The following CNTNAP2 variants were observed in gnomAD, a reference collection of about 807,000 sequenced individuals.
CNTNAP2 encodes the protein contactin-associated protein-like 2.
CNTNAP2 carries 98 observed loss-of-function variants against 155.2 expected under a neutral mutation model. That is an observed-to-expected ratio of 0.63 (90% CI 0.54 to 0.75). The LOEUF (loss-of-function observed/expected upper bound fraction) is 0.75, where lower values mean the gene tolerates loss of function less well. Ranked by LOEUF, CNTNAP2 falls within the 30% of genes least tolerant of loss-of-function variation. CNTNAP2 has a pLI of 0.00. For synonymous variants in CNTNAP2, 651 were observed against 631.2 expected, an observed-to-expected ratio of 1.03 and a Z score of -0.47; for missense variants, 1,727 against 1,688.1, an observed-to-expected ratio of 1.02 and a Z score of -0.40.
intron 14 of CNTNAP2, among the ~76,000 whole-genome samples, chr7:147,916,661 A>G (rs1163230447): frequency 1.4e-5 from 2 of 147,992 alleles, no homozygotes; most frequent in Non-Finnish European, 3.0e-5. Context: ...AAAGAGGGAG[A>G]GCTGTTATGT....
chr7:147,331,896 T>C (rs6977702), intron 9 of CNTNAP2, among the ~76,000 whole-genome samples: 59,065 of 151,976 alleles, frequency 0.39, 11,801 homozygotes, highest in South Asian at 0.49. Context: ...CACCAGCTGC[T>C]TCAGTATCTC....
At chr7:147,072,923 G>C (rs1250881058) in intron 4 of CNTNAP2, among the ~76,000 whole-genome samples, 1 of 139,004 alleles carries the variant, frequency 7.2e-6, no homozygotes, top group Non-Finnish European at 1.5e-5. Flanking sequence ...TGTGATCTCG[G>C]CTCACTGCAA....
chr7:146,178,777 G>T (rs1299287172), intron 1 of CNTNAP2, among the ~76,000 whole-genome samples: 1 of 152,092 alleles, frequency 6.6e-6, no homozygotes, highest in Non-Finnish European at 1.5e-5. Flanking sequence ...GAAACAAACA[G>T]GCAAAATTAT....
chr7:148,112,878 T>C (rs1189883505), intron 15 of CNTNAP2, among the ~76,000 whole-genome samples: 4 of 150,796 alleles, frequency 2.7e-5, no homozygotes, highest in South Asian at 4.2e-4. Flanking sequence ...TAAAAAAAAA[T>C]ACAGCTGTTT....
chr7:146,312,155 G>A (rs1163057248), intron 1 of CNTNAP2, among the ~76,000 whole-genome samples: 3 of 152,144 alleles, frequency 2.0e-5, no homozygotes, highest in African/African-American at 4.8e-5. Context: ...GGGATAAAAA[G>A]TGTTGACACC....
chr7:148,006,150 G>T (rs73466130), intron 15 of CNTNAP2, among the ~76,000 whole-genome samples: 1 of 151,198 alleles, frequency 6.6e-6, no homozygotes, highest in African/African-American at 2.4e-5. Flanking sequence ...TGAGCCCAAA[G>T]GCTAATAAAA....
At chr7:147,291,714 A>C (rs1563148688) in intron 8 of CNTNAP2, among the ~76,000 whole-genome samples, 2 of 152,180 alleles carry the variant, frequency 1.3e-5, no homozygotes, top group Admixed American at 6.5e-5. Flanking sequence ...AAAATTGTCC[A>C]GAGTTTTCCA....
intron 1 of CNTNAP2, among the ~76,000 whole-genome samples, chr7:146,734,232 A>G (rs1232939965): frequency 6.6e-6 from 1 of 152,080 alleles, no homozygotes; most frequent in Non-Finnish European, 1.5e-5. Flanking sequence ...AACTGGAGAA[A>G]TGTGTATTAT....
chr7:147,786,995 G>A (rs1158328832), intron 13 of CNTNAP2, among the ~76,000 whole-genome samples: 3 of 150,570 alleles, frequency 2.0e-5, no homozygotes, highest in Non-Finnish European at 4.4e-5. Flanking sequence ...GAGGGAGGGA[G>A]GAAGGGAGGG....
At chr7:147,737,499 C>T (rs886789624) in intron 13 of CNTNAP2, among the ~76,000 whole-genome samples, 5 of 152,134 alleles carry the variant, frequency 3.3e-5, no homozygotes, top group Non-Finnish European at 7.3e-5. Flanking sequence ...TCTGTCCGTT[C>T]GCAGATCTCA....
chr7:146,601,927 T>C (rs1220380428), intron 1 of CNTNAP2, among the ~76,000 whole-genome samples: 2 of 151,592 alleles, frequency 1.3e-5, no homozygotes, highest in Non-Finnish European at 1.5e-5. Context: ...ATTAGAAGAG[T>C]GAATATAATT....
At chr7:147,124,158 G>A (rs1801185234) in intron 6 of CNTNAP2, among the ~76,000 whole-genome samples, 1 of 152,096 alleles carries the variant, frequency 6.6e-6, no homozygotes, top group Non-Finnish European at 1.5e-5. Context: ...AAACCTCACA[G>A]ACTGCATGAA....
chr7:147,882,657 G>A (rs1799541157), intron 13 of CNTNAP2, among the ~76,000 whole-genome samples: 1 of 152,164 alleles, frequency 6.6e-6, no homozygotes, highest in South Asian at 2.1e-4. Flanking sequence ...GGCTTTAACA[G>A]AATCCCTGCT....
rs1263944123 is a variant in CNTNAP2, at chr7:147,313,640, T to G, written c.1498+13350T>G. 9.2e-5 allele frequency among the ~76,000 whole-genome samples: 14 copies of G among 151,886 alleles called. No individual in the cohort carries two copies. The South Asian group carries it at 2.7e-3, about 29-fold the overall frequency. On this transcript the variant is annotated intron_variant, in intron 9 of 23. Transcript: ENST00000361727. Reference sequence around the variant, plus strand: ...GATCTATATCTCTGTTTTGGTACCATTACCATGCTGTTTTGGTTACTGTAG... The same window carrying G: ...GATCTATATCTCTGTTTTGGTACCAGTACCATGCTGTTTTGGTTACTGTAG...
At chr7:146,221,338 A>C (rs770143669) in intron 1 of CNTNAP2, among the ~76,000 whole-genome samples, 2 of 152,060 alleles carry the variant, frequency 1.3e-5, no homozygotes, top group Non-Finnish European at 2.9e-5. Flanking sequence ...ATTTATACAG[A>C]AGGATATACG....
At chr7:146,819,609 T>C (rs1803237587) in intron 2 of CNTNAP2, among the ~76,000 whole-genome samples, 1 of 152,172 alleles carries the variant, frequency 6.6e-6, no homozygotes, top group Non-Finnish European at 1.5e-5. Flanking sequence ...TGATGACTCC[T>C]AAATTTATGT....
intron 1 of CNTNAP2, among the ~76,000 whole-genome samples, chr7:146,287,482 C>G (rs1800355660): frequency 6.6e-6 from 1 of 152,148 alleles, no homozygotes; most frequent in Non-Finnish European, 1.5e-5. Flanking sequence ...TTTTTCTCCT[C>G]CCCACAATCC....
In CNTNAP2 at chr7:147,546,312, TCAG is replaced by T. The variant is rs751445135; in HGVS notation, c.1778-15822_1778-15820del. 2.3e-3 allele frequency among the ~76,000 whole-genome samples: 355 copies of T among 152,176 alleles called. 2 individuals carry two copies. The highest frequency in any genetic ancestry group is 8.0e-3 in the African/African-American group (333 of 41,534). On this transcript the variant is annotated intron_variant, in intron 11 of 23. Coordinates refer to ENST00000361727, the MANE Select transcript of CNTNAP2 (RefSeq NM_014141.6). ...CATTATCATGTTGGTATGGTAAAGA[TCAG>T]CAGGAAAAAAAGAAAATGGAACTAT...
chr7:146,444,646 A>G (rs193091411), intron 1 of CNTNAP2, among the ~76,000 whole-genome samples: 5 of 150,568 alleles, frequency 3.3e-5, no homozygotes, highest in African/African-American at 1.2e-4. Context: ...TCATAAATCC[A>G]TAGATCCTCT....
Sources: allele counts gnomAD v4.1 joint callset (sites outside exome capture counted in the v4.1 genomes callset), GRCh38; gene constraint gnomAD v4.1.1; transcripts MANE v1.5; gene names NCBI Gene and HGNC (gene_info 2026-07-23, HGNC 2026-07-21).